The following MIPOL1 variants were observed in gnomAD, a reference collection of about 807,000 sequenced individuals.
The protein encoded by MIPOL1 is mirror-image polydactyly gene 1 protein.
MIPOL1 carries 57 observed loss-of-function variants against 60.9 expected under a neutral mutation model. The ratio of observed to expected loss-of-function variants is 0.94; its 90% confidence interval spans 0.76 to 1.17. The LOEUF (loss-of-function observed/expected upper bound fraction) is 1.17, where lower values mean the gene tolerates loss of function less well. MIPOL1 is among the 50% of genes most tolerant of loss of function. The pLI, the probability that MIPOL1 is intolerant of heterozygous loss-of-function variation, is 0.00. For missense variants in MIPOL1, 551 were observed against 511.6 expected (o/e 1.08, Z -0.74); for synonymous variants, 179 against 168.8 (o/e 1.06, Z -0.47).
chr14:37,479,076 A>G (rs1224197473), intron 11 of MIPOL1, among the ~76,000 whole-genome samples: 2 of 152,252 alleles, frequency 1.3e-5, no homozygotes, highest in Admixed American at 6.5e-5. Flanking sequence ...TCAATATACC[A>G]CTTTATTTTT....
At chr14:37,485,263 T>A (rs978664037) in intron 11 of MIPOL1, among the ~76,000 whole-genome samples, 5 of 152,208 alleles carry the variant, frequency 3.3e-5, no homozygotes, top group African/African-American at 1.2e-4. Flanking sequence ...TCCAAGTCTT[T>A]GCTATTGTGA....
At chr14:37,344,131 A>G (rs1160326214) in intron 9 of MIPOL1, among the ~76,000 whole-genome samples, 2 of 152,112 alleles carry the variant, frequency 1.3e-5, no homozygotes, top group Non-Finnish European at 2.9e-5. Flanking sequence ...CAATAAATCT[A>G]TAATATTGTG....
At chr14:37,397,708 A>G (rs2093401731) in intron 10 of MIPOL1, among the ~76,000 whole-genome samples, 4 of 152,094 alleles carry the variant, frequency 2.6e-5, no homozygotes, top group Admixed American at 2.6e-4. Context: ...ACCTAGGAGC[A>G]TTATGGCTGC....
chr14:37,521,911 T>TATATA (rs1555367648), intron 12 of MIPOL1, among the ~76,000 whole-genome samples: 3,526 of 118,132 alleles, frequency 0.03, 52 homozygotes, highest in Middle Eastern at 0.076. Flanking sequence ...TATATATATA[T>TATATA]TTTTTTTTTC....
At chr14:37,399,941 G>A (rs1595597040) in intron 10 of MIPOL1, 1 of 152,134 alleles carries the variant, frequency 6.6e-6, no homozygotes, top group East Asian at 1.9e-4. Flanking sequence ...CAGCATGATT[G>A]ATCACCCACT....
At chr14:37,272,370 A>G (rs141391317) in intron 6 of MIPOL1, among the ~76,000 whole-genome samples, 212 of 151,770 alleles carry the variant, frequency 1.4e-3, no homozygotes, top group African/African-American at 4.7e-3. Context: ...TTCCTATAAC[A>G]TTAGAAAGAA....
intron 9 of MIPOL1, among the ~76,000 whole-genome samples, chr14:37,361,245 G>A (rs549925146): frequency 3.9e-5 from 6 of 152,156 alleles, no homozygotes; most frequent in East Asian, 1.9e-4. Flanking sequence ...CAATTATGTC[G>A]TCAATTTTAG....
At chr14:37,264,665 T>TA (rs2082744274) in intron 3 of MIPOL1, among the ~76,000 whole-genome samples, 1 of 151,672 alleles carries the variant, frequency 6.6e-6, no homozygotes. Flanking sequence ...AAAGAATGGT[T>TA]AATAAAGCAA....
chr14:37,200,846 ATCTATGTGTGTGTGTG>A (rs1965138021), intron 1 of MIPOL1, among the ~76,000 whole-genome samples: 2 of 121,038 alleles, frequency 1.7e-5, no homozygotes, highest in Non-Finnish European at 3.4e-5. Flanking sequence ...TACTATATCT[ATCTATGTGTGTGTGTG>A]TGTGTGTGTG....
At chr14:37,246,130 C>T (rs1973162635) in intron 1 of MIPOL1, among the ~76,000 whole-genome samples, 1 of 151,748 alleles carries the variant, frequency 6.6e-6, no homozygotes, top group African/African-American at 2.4e-5. Flanking sequence ...TTTTGTTTTA[C>T]ATTTTCCATG....
At chr14:37,377,849 G>C (rs2092819743) in intron 10 of MIPOL1, among the ~76,000 whole-genome samples, 1 of 149,714 alleles carries the variant, frequency 6.7e-6, no homozygotes, top group Non-Finnish European at 1.5e-5. Flanking sequence ...CTGGGCACCA[G>C]TGATCCTTCT....
Position 37,308,387 on chromosome 14 carries a change from C to G in MIPOL1, c.696C>G (p.Asp232Glu). 1.3e-6 allele frequency: 2 copies of G among 1,594,202 alleles called. No individual in the cohort carries two copies. The highest frequency in any genetic ancestry group is 4.5e-5 in the East Asian group (2 of 44,192). The change falls in exon 9 of 13, where the codon GAC becomes GAG. Residue 232 changes from aspartate to glutamate, a missense_variant. Asp to Glu is a conservative substitution (Grantham distance 45). Transcript: ENST00000684589. ...QELLNRINNA[D>E]TGIAIQKNGA... ...TACTGAACAGAATAAACAATGCAGACACAGGGATAGCTATTCAGAAGAATG... is the reference window on the plus strand; with the variant it reads ...TACTGAACAGAATAAACAATGCAGAGACAGGGATAGCTATTCAGAAGAATG...
At chr14:37,267,499 A>AG (rs1239519632) in intron 4 of MIPOL1, among the ~76,000 whole-genome samples, 1 of 151,722 alleles carries the variant, frequency 6.6e-6, no homozygotes, top group East Asian at 1.9e-4. Flanking sequence ...AAAAAAAAAA[A>AG]AAGAGAAAGT....
chr14:37,297,101 T>C (rs1423196839), intron 7 of MIPOL1, among the ~76,000 whole-genome samples: 2 of 152,170 alleles, frequency 1.3e-5, no homozygotes, highest in Admixed American at 1.3e-4. Flanking sequence ...AAAGAACTTA[T>C]CCACCATGAT....
At chr14:37,518,939 C>T (rs1254770704) in intron 12 of MIPOL1, among the ~76,000 whole-genome samples, 3 of 151,744 alleles carry the variant, frequency 2.0e-5, no homozygotes, top group African/African-American at 7.3e-5. Flanking sequence ...TCTTTGATTA[C>T]AAAATATTGA....
chr14:37,228,382 C>A (rs1970095441), intron 1 of MIPOL1, among the ~76,000 whole-genome samples: 1 of 142,580 alleles, frequency 7.0e-6, no homozygotes, highest in African/African-American at 2.6e-5. Flanking sequence ...AGAGAACTGA[C>A]AGCCTTTTGC....
chr14:37,234,202 TGTTA>T (rs948752834), intron 1 of MIPOL1, among the ~76,000 whole-genome samples: 2 of 152,122 alleles, frequency 1.3e-5, no homozygotes, highest in Non-Finnish European at 2.9e-5. Context: ...ACGTCTGTGG[TGTTA>T]GTTATTGTTT....
chr14:37,396,539 G>A (rs2093375462), intron 10 of MIPOL1, among the ~76,000 whole-genome samples: 2 of 148,172 alleles, frequency 1.3e-5, no homozygotes, highest in African/African-American at 2.5e-5. Context: ...TGCTGAGGAA[G>A]TTTTCCTCGA....
At chr14:37,221,912 G>A (rs1212438138) in intron 1 of MIPOL1, among the ~76,000 whole-genome samples, 1 of 152,004 alleles carries the variant, frequency 6.6e-6, no homozygotes, top group Non-Finnish European at 1.5e-5. Flanking sequence ...CTCATAAACA[G>A]CAGCCCCAAA....
Sources: allele counts gnomAD v4.1 joint callset (sites outside exome capture counted in the v4.1 genomes callset), GRCh38; gene constraint gnomAD v4.1.1; transcripts MANE v1.5; gene names NCBI Gene and HGNC (gene_info 2026-07-23, HGNC 2026-07-21).